Variants in CLEC16A observed in about 807,000 individuals in gnomAD.
CLEC16A encodes C-type lectin domain containing 16A.
In CLEC16A, 51 loss-of-function variants were observed where a neutral mutation model predicts 109.5. The observed-to-expected ratio is 0.47, with a 90% CI of 0.37 to 0.59. CLEC16A has a LOEUF of 0.59. CLEC16A is among the 20% of genes least tolerant of loss of function. The pLI is 0.00. For missense variants in CLEC16A, 1,339 were observed against 1,394.0 expected (o/e 0.96, Z 0.63); for synonymous variants, 673 against 564.2 (o/e 1.19, Z -2.73).
intron 19 of CLEC16A, among the ~76,000 whole-genome samples, chr16:11,083,416 G>A (rs758370125): frequency 6.6e-6 from 1 of 152,132 alleles, no homozygotes; most frequent in African/African-American, 2.4e-5. Context: ...CTTCCACCTG[G>A]CCTCCCAAAG....
intron 10 of CLEC16A, among the ~76,000 whole-genome samples, chr16:10,983,550 G>A (rs1439975088): frequency 6.6e-6 from 1 of 152,188 alleles, no homozygotes; most frequent in East Asian, 1.9e-4. Context: ...TGATCATCAA[G>A]CTTTGGACTA....
At chr16:11,033,691 A>G (rs1312798720) in intron 13 of CLEC16A, among the ~76,000 whole-genome samples, 1 of 152,164 alleles carries the variant, frequency 6.6e-6, no homozygotes. Flanking sequence ...TTTTCCTCAT[A>G]GTCAATTTTA....
intron 19 of CLEC16A, among the ~76,000 whole-genome samples, chr16:11,114,700 A>C (rs1287168052): frequency 1.3e-5 from 2 of 152,162 alleles, no homozygotes; most frequent in Non-Finnish European, 2.9e-5. Flanking sequence ...CCAGGGCTCC[A>C]CAGCCAGGGT....
intron 23 of CLEC16A, among the ~76,000 whole-genome samples, chr16:11,175,074 A>G (rs895462635): frequency 6.6e-6 from 1 of 152,216 alleles, no homozygotes; most frequent in Non-Finnish European, 1.5e-5. Context: ...CTCTACAGGT[A>G]CCATCCTTTT....
chr16:10,963,047 A>C (rs921213369), intron 3 of CLEC16A, among the ~76,000 whole-genome samples: 11 of 151,718 alleles, frequency 7.3e-5, no homozygotes, highest in African/African-American at 2.7e-4. Context: ...ACAGAGCAAG[A>C]CCTTGTCTCC....
At position 11,135,873 on chromosome 16, in the gene CLEC16A, C is replaced by T. The variant is rs147867383; in HGVS notation, c.2641+9727C>T. On this transcript the variant is annotated intron_variant, in intron 22 of 23. Coordinates refer to ENST00000409790, the MANE Select transcript of CLEC16A (RefSeq NM_015226.3). Reference sequence around the variant, plus strand: ...TCACCAGCACGGGCCTGGCCCCACACGTAGGATAGAGCTCTCCAGCCTCAT... The same window carrying T: ...TCACCAGCACGGGCCTGGCCCCACATGTAGGATAGAGCTCTCCAGCCTCAT... Among the ~76,000 whole-genome samples, 379 of 152,372 alleles carry T rather than the reference C, an allele frequency of 2.5e-3. 2 individuals carry two copies. The highest frequency in any genetic ancestry group is 8.9e-3 in the African/African-American group (369 of 41,586).
At chr16:11,034,138 G>C (rs1473327581) in intron 13 of CLEC16A, among the ~76,000 whole-genome samples, 1 of 152,216 alleles carries the variant, frequency 6.6e-6, no homozygotes, top group East Asian at 1.9e-4. Context: ...ATAGGCTAAA[G>C]GGAAGCTTTT....
intron 12 of CLEC16A, among the ~76,000 whole-genome samples, chr16:11,022,902 AATAT>A (rs3029840): frequency 0.3 from 42,870 of 142,922 alleles, 7,815 homozygotes; most frequent in African/African-American, 0.54. Context: ...CCATCTCAAA[AATAT>A]ATATATATAT....
At chr16:10,979,058 A>G (rs924179180) in intron 8 of CLEC16A, among the ~76,000 whole-genome samples, 10 of 152,186 alleles carry the variant, frequency 6.6e-5, no homozygotes, top group Non-Finnish European at 1.3e-4. Flanking sequence ...TGGTAACTTA[A>G]GGAGCAAGTT....
In CLEC16A at chr16:11,178,983, C is replaced by T. The variant is rs925486660; in HGVS notation, c.*293C>T. The T allele has an allele frequency of 4.7e-5, 17 of 363,590 alleles. No homozygotes were observed. Among genetic ancestry groups the T allele is most frequent in the Middle Eastern group, 6.9e-4 (1 of 1,446 alleles). The allele number at this position is 363,590 out of a possible 1,614,324, so 22.5% of individuals were successfully genotyped here. A position where few individuals can be genotyped will look rare whatever the true frequency, so the allele number is the denominator to read the frequency against. ...GCCTGGGCTCCGTGTCTCTGAGCCC[C>T]GGGTGGCAGGACCCACCGGCACCTC... On this transcript the variant is annotated 3_prime_UTR_variant, in exon 24 of 24. Coordinates refer to ENST00000409790, the MANE Select transcript of CLEC16A (RefSeq NM_015226.3). The surrounding 1 kb of genome is among the most constrained non-coding windows in gnomAD (Gnocchi z 6.5).
intron 23 of CLEC16A, among the ~76,000 whole-genome samples, chr16:11,168,632 C>T (rs931349092): frequency 2.0e-5 from 3 of 152,208 alleles, no homozygotes; most frequent in Non-Finnish European, 1.5e-5. Flanking sequence ...CTCATCAGAG[C>T]CCACAAGCTC....
intron 10 of CLEC16A, among the ~76,000 whole-genome samples, chr16:10,992,956 C>T (rs1041302666): frequency 6.6e-6 from 1 of 151,786 alleles, no homozygotes; most frequent in East Asian, 1.9e-4. Flanking sequence ...GGGGTTGGGT[C>T]GGGGGGCGTG....
intron 19 of CLEC16A, among the ~76,000 whole-genome samples, chr16:11,112,630 A>G (rs1351337467): frequency 6.6e-6 from 1 of 152,158 alleles, no homozygotes; most frequent in Non-Finnish European, 1.5e-5. Flanking sequence ...GCACCATTGC[A>G]GTCCAGCCTG....
intron 22 of CLEC16A, among the ~76,000 whole-genome samples, chr16:11,129,589 C>T (rs1204657919): frequency 6.6e-6 from 1 of 152,222 alleles, no homozygotes; most frequent in Non-Finnish European, 1.5e-5. Flanking sequence ...TCCTGTAAAT[C>T]ACTGTGGCCT....
intron 1 of CLEC16A, among the ~76,000 whole-genome samples, chr16:10,947,780 T>C (rs2041469344): frequency 6.6e-6 from 1 of 152,190 alleles, no homozygotes; most frequent in Non-Finnish European, 1.5e-5. Flanking sequence ...CAGTTCTTAA[T>C]ACACTCTTAC....
intron 22 of CLEC16A, among the ~76,000 whole-genome samples, chr16:11,155,751 CT>C (rs2054487555): frequency 6.6e-6 from 1 of 152,204 alleles, no homozygotes; most frequent in Non-Finnish European, 1.5e-5. Flanking sequence ...GTAGGAGAGA[CT>C]TTGGTGAGGT....
intron 22 of CLEC16A, among the ~76,000 whole-genome samples, chr16:11,130,071 T>A (rs909603136): frequency 2.6e-5 from 4 of 152,176 alleles, no homozygotes. Context: ...CTAGCCTGGT[T>A]CCGTTTATCC....
At chr16:11,037,333 C>T (rs2047079231) in intron 13 of CLEC16A, among the ~76,000 whole-genome samples, 2 of 152,226 alleles carry the variant, frequency 1.3e-5, no homozygotes, top group African/African-American at 4.8e-5. Context: ...GTGTCTCTGA[C>T]TTGCTCTGTG....
chr16:11,089,426 G>A (rs1018281074), intron 19 of CLEC16A, among the ~76,000 whole-genome samples: 1 of 152,144 alleles, frequency 6.6e-6, no homozygotes, highest in African/African-American at 2.4e-5. Context: ...GTTACAGAAC[G>A]CTGAGGGGTC....
Sources: allele counts gnomAD v4.1 joint callset (sites outside exome capture counted in the v4.1 genomes callset), GRCh38; gene constraint gnomAD v4.1.1; non-coding constraint Gnocchi (gnomAD v3.1); transcripts MANE v1.5; gene names NCBI Gene and HGNC (gene_info 2026-07-23, HGNC 2026-07-21).